TNFSF4: variants seen among roughly 807,000 people sequenced by gnomAD.
TNFSF4 encodes TNF superfamily member 4.
In TNFSF4, 4 loss-of-function variants were observed where a neutral mutation model predicts 7.3. That is an observed-to-expected ratio of 0.55 (90% CI 0.27 to 1.25). TNFSF4 has a LOEUF of 1.25. TNFSF4 is among the 50% of genes most tolerant of loss of function. The pLI is 0.12. For missense variants in TNFSF4, 181 were observed against 208.8 expected, an observed-to-expected ratio of 0.87 and a Z score of 0.82; for synonymous variants, 76 against 83.7, an observed-to-expected ratio of 0.91 and a Z score of 0.50.
At chr1:173,230,172 C>T in the TNFSF4 span, among the ~76,000 whole-genome samples, 7 of 152,250 alleles carry the variant, frequency 4.6e-5, no homozygotes, top group South Asian at 8.3e-4. Flanking sequence ...AAATTGACCA[C>T]GTAGTTGGAA....
At chr1:173,360,784 G>T in the TNFSF4 span, among the ~76,000 whole-genome samples, 2 of 152,154 alleles carry the variant, frequency 1.3e-5, no homozygotes, top group Non-Finnish European at 2.9e-5. Context: ...ATTAGGGGGT[G>T]GAAGGGAAGT....
At chr1:173,279,513 G>C in the TNFSF4 span, among the ~76,000 whole-genome samples, 3 of 152,018 alleles carry the variant, frequency 2.0e-5, no homozygotes, top group Non-Finnish European at 4.4e-5. Flanking sequence ...AACTGCCTCT[G>C]GTAAGCTCCA....
chr1:173,325,344 C>T, the TNFSF4 span, among the ~76,000 whole-genome samples: 2 of 152,054 alleles, frequency 1.3e-5, no homozygotes, highest in African/African-American at 4.8e-5. Context: ...ATACCAGAAT[C>T]TCTGGGACAC....
chr1:173,440,167 C>T, the TNFSF4 span, among the ~76,000 whole-genome samples: 1 of 152,306 alleles, frequency 6.6e-6, no homozygotes, highest in South Asian at 2.1e-4. Flanking sequence ...TCTTCCGTTG[C>T]ATGGACAAGC....
At chr1:173,394,987 CATAGAT>C in the TNFSF4 span, among the ~76,000 whole-genome samples, 255 of 126,950 alleles carry the variant, frequency 2.0e-3, 2 homozygotes, top group African/African-American at 7.7e-3. Context: ...ATAGAGGACA[CATAGAT>C]AGATAGATAG....
chr1:173,288,821 A>G, the TNFSF4 span, among the ~76,000 whole-genome samples: 3 of 152,130 alleles, frequency 2.0e-5, no homozygotes, highest in Admixed American at 6.5e-5. Flanking sequence ...ACCAATCAGG[A>G]CTGCCACTTG....
the TNFSF4 span, among the ~76,000 whole-genome samples, chr1:173,258,347 G>A: frequency 1.3e-5 from 2 of 152,112 alleles, no homozygotes; most frequent in Non-Finnish European, 2.9e-5. Flanking sequence ...AAAGCAGGGT[G>A]GAAAAATGGC....
chr1:173,408,115 T>C, the TNFSF4 span, among the ~76,000 whole-genome samples: 1 of 152,216 alleles, frequency 6.6e-6, no homozygotes, highest in Non-Finnish European at 1.5e-5. Context: ...GTTTATAAGC[T>C]AACCAGTCTA....
the TNFSF4 span, among the ~76,000 whole-genome samples, chr1:173,232,130 C>T: frequency 3.9e-5 from 6 of 152,050 alleles, no homozygotes; most frequent in African/African-American, 1.4e-4. Flanking sequence ...TGCTTGTGTC[C>T]TCTTTTACTT....
chr1:173,346,362 GA>G, the TNFSF4 span, among the ~76,000 whole-genome samples: 37 of 152,094 alleles, frequency 2.4e-4, no homozygotes, highest in African/African-American at 8.4e-4. Context: ...CCACATAGCT[GA>G]AAAAAAATTT....
the TNFSF4 span, among the ~76,000 whole-genome samples, chr1:173,379,091 T>C: frequency 2.0e-5 from 3 of 152,116 alleles, no homozygotes; most frequent in African/African-American, 7.2e-5. Context: ...GTCATGCTAT[T>C]GTTAGATCAA....
At chr1:173,285,187 C>T in the TNFSF4 span, among the ~76,000 whole-genome samples, 32 of 151,928 alleles carry the variant, frequency 2.1e-4, no homozygotes, top group African/African-American at 6.8e-4. Flanking sequence ...AAGACTTCAC[C>T]GGAGGAAGTA....
chr1:173,276,457 A>G, the TNFSF4 span, among the ~76,000 whole-genome samples: 143 of 152,202 alleles, frequency 9.4e-4, no homozygotes, highest in African/African-American at 2.8e-3. Context: ...ACTTTCTGTC[A>G]TCTTGTCCAA....
At chr1:173,209,559 G>C (rs922526276), upstream of TNFSF4, among the ~76,000 whole-genome samples, 4 of 152,142 alleles carry the variant, frequency 2.6e-5, no homozygotes, top group African/African-American at 9.7e-5. Flanking sequence ...GGCTGGAGTA[G>C]AGTAGCACAA....
chr1:173,178,173 A>C, the TNFSF4 span, among the ~76,000 whole-genome samples: 13 of 152,152 alleles, frequency 8.5e-5, no homozygotes, highest in African/African-American at 2.9e-4. Context: ...CATAGTCACC[A>C]CAAGTCCCGA....
At chr1:173,224,677 G>A in the TNFSF4 span, among the ~76,000 whole-genome samples, 1 of 152,208 alleles carries the variant, frequency 6.6e-6, no homozygotes, top group South Asian at 2.1e-4. Flanking sequence ...GTTAGACACT[G>A]AGTAAGACAA....
the TNFSF4 span, among the ~76,000 whole-genome samples, chr1:173,339,746 G>A: frequency 6.6e-6 from 1 of 152,186 alleles, no homozygotes; most frequent in Non-Finnish European, 1.5e-5. Flanking sequence ...GAAATGGTTA[G>A]TGTGCTTTTT....
At chr1:173,433,580 T>C in the TNFSF4 span, among the ~76,000 whole-genome samples, 2 of 151,618 alleles carry the variant, frequency 1.3e-5, no homozygotes, top group Non-Finnish European at 2.9e-5. Flanking sequence ...CATGCACCTG[T>C]AGACCCAGCT....
At chr1:173,232,440 C>A in the TNFSF4 span, among the ~76,000 whole-genome samples, 1 of 150,032 alleles carries the variant, frequency 6.7e-6, no homozygotes, top group East Asian at 2.0e-4. Context: ...TTCCTCTTTT[C>A]CTAATTGAAT....
Sources: gnomAD v4.1 joint callset for allele counts (sites outside exome capture counted in the v4.1 genomes callset) on GRCh38, gnomAD v4.1.1 for gene constraint, MANE v1.5 for transcripts, NCBI Gene and HGNC (gene_info 2026-07-23, HGNC 2026-07-21) for gene names.